Variants in QSER1 observed in about 807,000 individuals in gnomAD.
The protein encoded by QSER1 is glutamine and serine rich 1, also known as glutamine and serine-rich protein 1.
QSER1 carries 49 observed loss-of-function variants against 158.5 expected under a neutral mutation model. The ratio of observed to expected loss-of-function variants is 0.31; its 90% CI spans 0.25 to 0.39. QSER1 has a LOEUF of 0.39. Among genes scored for constraint, QSER1 ranks in the 10% least tolerant of loss-of-function variants. The pLI is 1.00. For missense variants in QSER1, 1,754 were observed against 2,010.3 expected (o/e 0.87, Z 2.44); for synonymous variants, 650 against 715.5 (o/e 0.91, Z 1.46).
At chr11:32,921,399 C>G (rs375600219) in intron 1 of QSER1, among the ~76,000 whole-genome samples, 3 of 152,022 alleles carry the variant, frequency 2.0e-5, no homozygotes, top group East Asian at 3.9e-4. Context: ...GGGGGATGAT[C>G]AAAATATTCT....
intron 9 of QSER1, among the ~76,000 whole-genome samples, chr11:32,967,495 T>C (rs1412404192): frequency 6.6e-6 from 1 of 151,296 alleles, no homozygotes; most frequent in Non-Finnish European, 1.5e-5. Flanking sequence ...AAGTTTTTTT[T>C]AAAGAAGAAA....
intron 1 of QSER1, among the ~76,000 whole-genome samples, chr11:32,900,804 A>G (rs1851615137): frequency 6.6e-6 from 1 of 152,132 alleles, no homozygotes; most frequent in Non-Finnish European, 1.5e-5. Flanking sequence ...GCTGATTGTT[A>G]GGTCTTTCCC....
At chr11:32,931,166 A>G (rs527428140) in intron 3 of QSER1, among the ~76,000 whole-genome samples, 36 of 152,090 alleles carry the variant, frequency 2.4e-4, no homozygotes, top group African/African-American at 8.2e-4. Context: ...TAATCACTAG[A>G]GATATGTACA....
At chr11:32,904,358 A>AT (rs1167896506) in intron 1 of QSER1, among the ~76,000 whole-genome samples, 1 of 151,582 alleles carries the variant, frequency 6.6e-6, no homozygotes, top group Non-Finnish European at 1.5e-5. Context: ...CATTCAGCTG[A>AT]TTTTTGTATT....
intron 1 of QSER1, among the ~76,000 whole-genome samples, chr11:32,903,152 T>A (rs1005804864): frequency 1.3e-5 from 2 of 152,074 alleles, no homozygotes; most frequent in Non-Finnish European, 2.9e-5. Flanking sequence ...TTTAAAAAAT[T>A]AGAATCATTT....
chr11:32,975,189 A>G (rs1421473766), intron 11 of QSER1, 59 bp from the exon 12 acceptor site: 3 of 1,233,852 alleles, frequency 2.4e-6, no homozygotes, highest in African/African-American at 3.0e-5. Flanking sequence ...ATTTTCCTCA[A>G]AGTGTTCTTA....
chr11:32,933,155 A>G lies in QSER1; in HGVS notation c.1897A>G (p.Thr633Ala). Residue 633 changes from threonine (T) to alanine (A), a missense_variant, in exon 4 of 13, where the codon ACT (threonine) becomes GCT (alanine). By Grantham distance (58) the Thr-to-Ala change is moderately conservative (BLOSUM62 0). Transcript: ENST00000650167. ...ISMHSSQNVQ[T>A]QESSSPQSQK... The stretch of plus-strand genomic sequence containing the variant: ...TATGCATTCTTCCCAAAATGTTCAG[A>G]CTCAAGAGTCATCATCTCCCCAGTC... 1.2e-6 allele frequency: 2 copies of G among 1,613,536 alleles called. No individual in the cohort carries two copies. Among genetic ancestry groups the G allele is most frequent in the South Asian group, 2.2e-5 (2 of 90,972 alleles).
chr11:32,970,379 C>A (rs1852829553), intron 10 of QSER1, among the ~76,000 whole-genome samples: 1 of 152,142 alleles, frequency 6.6e-6, no homozygotes, highest in South Asian at 2.1e-4. Context: ...AGAATTTGGT[C>A]TCCTGACTCC....
intron 4 of QSER1, among the ~76,000 whole-genome samples, chr11:32,948,600 G>C (rs1359752700): frequency 6.6e-6 from 1 of 152,176 alleles, no homozygotes; most frequent in Non-Finnish European, 1.5e-5. Flanking sequence ...TTGCACTCCA[G>C]CCTGGGTGAC....
In QSER1 at chr11:32,934,979, C is replaced by A. The variant is rs760109058; in HGVS notation, c.3721C>A (p.Pro1241Thr). ...QNPRGTDIYLPYTPPSSESCH... is the reference protein window; with the variant it reads ...QNPRGTDIYLTYTPPSSESCH... The stretch of plus-strand genomic sequence containing the variant: ...TCCAAGGGGAACAGATATTTACTTA[C>A]CGTATACTCCTCCTTCCTCAGAAAG... The change falls in exon 4 of 13, where the codon CCG becomes ACG. Residue 1241 changes from proline (P) to threonine (T), a missense_variant. By Grantham distance (38) the Pro-to-Thr change is conservative (BLOSUM62 -1). Transcript: ENST00000650167. 9 of 1,614,142 alleles carry A rather than the reference C, an allele frequency of 5.6e-6. No individual in the cohort carries two copies. The highest frequency in any genetic ancestry group is 1.3e-5 in the African/African-American group (1 of 75,062).
intron 1 of QSER1, among the ~76,000 whole-genome samples, chr11:32,913,059 G>A (rs1195381413): frequency 6.6e-6 from 1 of 151,750 alleles, no homozygotes; most frequent in Non-Finnish European, 1.5e-5. Flanking sequence ...ATACAACCAT[G>A]CTGAATTACT....
chr11:32,976,241 A>C (rs1852974534), intron 12 of QSER1, 93 bp from the exon 13 acceptor site: 1 of 1,086,592 alleles, frequency 9.2e-7, no homozygotes. Context: ...CTCCATGGAT[A>C]GGATTAAGAA....
intron 1 of QSER1, among the ~76,000 whole-genome samples, chr11:32,909,636 T>C (rs1210999256): frequency 6.6e-6 from 1 of 152,090 alleles, no homozygotes; most frequent in Non-Finnish European, 1.5e-5. Flanking sequence ...GAGACGAGGT[T>C]TTGCCACATT....
At chr11:32,965,312 A>G (rs1392400526) in intron 8 of QSER1, among the ~76,000 whole-genome samples, 1 of 151,018 alleles carries the variant, frequency 6.6e-6, no homozygotes, top group Non-Finnish European at 1.5e-5. Flanking sequence ...ACGATGTCCC[A>G]CTATGTTGCC....
intron 4 of QSER1, among the ~76,000 whole-genome samples, chr11:32,937,633 T>C (rs912375671): frequency 6.6e-6 from 1 of 152,220 alleles, no homozygotes; most frequent in African/African-American, 2.4e-5. Context: ...TCCTCCACAT[T>C]GTCAACAGAT....
intron 1 of QSER1, among the ~76,000 whole-genome samples, chr11:32,918,885 A>G (rs1449294684): frequency 2.0e-5 from 3 of 152,136 alleles, no homozygotes; most frequent in Non-Finnish European, 4.4e-5. Flanking sequence ...ATTTTTTTAA[A>G]TGTAGACTTC....
intron 4 of QSER1, among the ~76,000 whole-genome samples, chr11:32,935,666 A>G (rs1350506438): frequency 6.6e-6 from 1 of 152,244 alleles, no homozygotes; most frequent in African/African-American, 2.4e-5. Flanking sequence ...CAAAGGCAGC[A>G]TAATCTGTAC....
chr11:32,966,261 G>C (rs977698569), intron 8 of QSER1, 39 bp from the exon 9 acceptor site: 2 of 1,591,738 alleles, frequency 1.3e-6, no homozygotes, highest in African/African-American at 2.7e-5. Context: ...AAAATTGTCA[G>C]GAAGGAAAAT....
At chr11:32,945,279 A>T (rs1852310425) in intron 4 of QSER1, among the ~76,000 whole-genome samples, 1 of 151,038 alleles carries the variant, frequency 6.6e-6, no homozygotes, top group Non-Finnish European at 1.5e-5. Flanking sequence ...TCCTGTCATT[A>T]TGATGTTAGC....
Sources: gnomAD v4.1 joint callset for allele counts (sites outside exome capture counted in the v4.1 genomes callset) on GRCh38, gnomAD v4.1.1 for gene constraint, MANE v1.5 for transcripts, NCBI Gene and HGNC (gene_info 2026-07-23, HGNC 2026-07-21) for gene names.